CEP128: variants seen among roughly 807,000 people sequenced by gnomAD.
The protein encoded by CEP128 is centrosomal protein 128kDa.
In CEP128, 132 loss-of-function variants were observed where a neutral mutation model predicts 156.7. That is an observed-to-expected ratio of 0.84 (90% CI 0.73 to 0.97). The LOEUF is 0.97. Among genes scored for constraint, CEP128 ranks in the 50% least tolerant of loss-of-function variants. CEP128 has a pLI of 0.00. For synonymous variants in CEP128, 469 were observed against 448.9 expected (o/e 1.04, Z -0.57); for missense variants, 1,252 against 1,281.9 (o/e 0.98, Z 0.36).
chr14:80,909,714 A>T (rs1413029426), intron 4 of CEP128, among the ~76,000 whole-genome samples: 1 of 152,252 alleles, frequency 6.6e-6, no homozygotes, highest in Non-Finnish European at 1.5e-5. Flanking sequence ...TAAAATCTAC[A>T]CTTTAAGTAG....
intron 19 of CEP128, among the ~76,000 whole-genome samples, chr14:80,625,397 G>C (rs1363971536): frequency 2.6e-5 from 4 of 152,094 alleles, no homozygotes; most frequent in African/African-American, 9.7e-5. Flanking sequence ...CTCGAGCTTT[G>C]TTCTTCTTGC....
intron 19 of CEP128, among the ~76,000 whole-genome samples, chr14:80,592,582 T>C (rs888811753): frequency 6.6e-6 from 1 of 152,192 alleles, no homozygotes; most frequent in African/African-American, 2.4e-5. Context: ...AAAGAGGAGC[T>C]GGTACCATTC....
intron 8 of CEP128, among the ~76,000 whole-genome samples, chr14:80,892,626 G>A (rs1215367418): frequency 6.6e-6 from 1 of 151,822 alleles, no homozygotes; most frequent in African/African-American, 2.4e-5. Context: ...TACAAATTGA[G>A]AAAAATATTG....
intron 2 of CEP128, among the ~76,000 whole-genome samples, chr14:80,929,627 C>T (rs1698284500): frequency 1.3e-5 from 2 of 152,166 alleles, no homozygotes; most frequent in Admixed American, 1.3e-4. Context: ...CAAAAGCCAA[C>T]TATTTCATGT....
chr14:80,676,754 A>G (rs959985952), intron 19 of CEP128, among the ~76,000 whole-genome samples: 1 of 152,196 alleles, frequency 6.6e-6, no homozygotes, highest in Non-Finnish European at 1.5e-5. Context: ...TGTTGGAATT[A>G]ATCAGATGTT....
At chr14:80,745,079 A>G (rs563517863) in intron 18 of CEP128, among the ~76,000 whole-genome samples, 2 of 152,260 alleles carry the variant, frequency 1.3e-5, no homozygotes, top group South Asian at 2.1e-4. Context: ...ATAATTTCCA[A>G]CGTTGTGGGA....
intron 6 of CEP128, among the ~76,000 whole-genome samples, chr14:80,490,952 G>A (rs1355858611): frequency 1.3e-5 from 2 of 152,118 alleles, no homozygotes; most frequent in Admixed American, 6.6e-5. Flanking sequence ...TTTCTGAATG[G>A]ATAGGTCTGG....
intron 19 of CEP128, among the ~76,000 whole-genome samples, chr14:80,728,654 C>T (rs1898110850): frequency 6.6e-6 from 1 of 152,030 alleles, no homozygotes; most frequent in Non-Finnish European, 1.5e-5. Flanking sequence ...GGAAGATATT[C>T]CAAATTCTTA....
chr14:80,605,180 T>A (rs1892728421), intron 19 of CEP128, among the ~76,000 whole-genome samples: 1 of 152,088 alleles, frequency 6.6e-6, no homozygotes, highest in Admixed American at 6.6e-5. Context: ...ATTGCAAAGA[T>A]CTCCGTAGCT....
rs999057630 is a variant in CEP128 at position 80,811,807 on chromosome 14, A to G, written c.1210-18697T>C. Among the ~76,000 whole-genome samples, 7 of 25,130 alleles carry G rather than the reference A, an allele frequency of 2.8e-4. 1 individual carries two copies. The South Asian group carries it at 4.6e-3, about 16-fold the overall frequency. 16.5% of individuals were successfully genotyped at this position (25,130 alleles called of 152,430 possible). On this transcript the variant is annotated intron_variant, in intron 13 of 24. Coordinates refer to ENST00000555265, the MANE Select transcript of CEP128 (RefSeq NM_152446.5). ...TGCGTCTGTGTGTGTGTGTGTGTGC[A>G]CACGCATGTATTAGATAGATAGATA...
chr14:80,841,053 A>G (rs1266677192), intron 9 of CEP128, among the ~76,000 whole-genome samples: 1 of 152,126 alleles, frequency 6.6e-6, no homozygotes, highest in Non-Finnish European at 1.5e-5. Context: ...GGAAACAAAT[A>G]TTCTTTTCTA....
At chr14:80,563,205 C>G (rs1301883675) in intron 20 of CEP128, among the ~76,000 whole-genome samples, 1 of 152,040 alleles carries the variant, frequency 6.6e-6, no homozygotes, top group Non-Finnish European at 1.5e-5. Context: ...ATCCCTGAAC[C>G]CCACTCTCAA....
intron 3 of CEP128, among the ~76,000 whole-genome samples, chr14:80,915,981 G>A (rs370471646): frequency 6.8e-4 from 104 of 152,280 alleles, no homozygotes; most frequent in African/African-American, 2.3e-3. Flanking sequence ...AGATTCTCCT[G>A]GATTATTGGG....
intron 8 of CEP128, among the ~76,000 whole-genome samples, chr14:80,880,789 G>A (rs1205883210): frequency 5.3e-5 from 8 of 150,096 alleles, no homozygotes; most frequent in African/African-American, 1.2e-4. Flanking sequence ...CGTGAATCTC[G>A]GAGGTGGAGG....
chr14:80,582,305 G>A (rs987082962), intron 19 of CEP128, among the ~76,000 whole-genome samples: 1 of 152,152 alleles, frequency 6.6e-6, no homozygotes, highest in African/African-American at 2.4e-5. Flanking sequence ...TGGTACCCGG[G>A]ACTTGCCAAC....
intron 15 of CEP128, among the ~76,000 whole-genome samples, chr14:80,783,499 C>T (rs887588716): frequency 6.6e-6 from 1 of 152,178 alleles, no homozygotes; most frequent in Admixed American, 6.5e-5. Context: ...TTGTAAAGTT[C>T]TTAGAGCAGT....
chr14:80,482,823 C>T lies in CEP128; in HGVS notation c.*311-4416G>A, dbSNP rs182556317. On this transcript the variant is annotated intron_variant and NMD_transcript_variant, in intron 14 of 14. Coordinates refer to the CEP128 transcript ENST00000554502. ...AGAAACAAAGAGGGACAGAAGTACA[C>T]AATTCTAAGTGATTTTTATAGCAGA... Among the ~76,000 whole-genome samples, 1,269 of 152,286 alleles carry T rather than the reference C, an allele frequency of 8.3e-3. 3 individuals carry two copies. The highest frequency in any genetic ancestry group is 0.014 in the Non-Finnish European group (923 of 68,026).
At chr14:80,827,613 T>C (rs936470793) in intron 13 of CEP128, among the ~76,000 whole-genome samples, 1 of 152,202 alleles carries the variant, frequency 6.6e-6, no homozygotes, top group Non-Finnish European at 1.5e-5. Flanking sequence ...GTGTACAGTA[T>C]CTCTGGTTGT....
intron 4 of CEP128, among the ~76,000 whole-genome samples, chr14:80,910,300 G>T (rs1884131994): frequency 6.6e-6 from 1 of 152,108 alleles, no homozygotes; most frequent in African/African-American, 2.4e-5. Context: ...TCTGGATCTG[G>T]GTCCTCACCG....
Sources: allele counts gnomAD v4.1 joint callset (sites outside exome capture counted in the v4.1 genomes callset), GRCh38; gene constraint gnomAD v4.1.1; transcripts MANE v1.5; gene names NCBI Gene and HGNC (gene_info 2026-07-23, HGNC 2026-07-21).